SPAG16: variants seen among roughly 807,000 people sequenced by gnomAD.
SPAG16 encodes the protein sperm-associated antigen 16 protein.
SPAG16 carries 86 observed loss-of-function variants against 80.4 expected under a neutral mutation model. The observed-to-expected ratio is 1.07, with a 90% CI of 0.90 to 1.28. SPAG16 has a LOEUF of 1.28. Ranked by LOEUF, SPAG16 falls within the 50% of genes most tolerant of loss-of-function variation. The probability of loss-of-function intolerance (pLI) is 0.00; values close to 1 mark genes in which losing one functional copy is unlikely to be tolerated. For synonymous variants in SPAG16, 294 were observed against 265.9 expected (o/e 1.11, Z -1.03); for missense variants, 870 against 765.3 (o/e 1.14, Z -1.61).
At chr2:213,649,045 G>A (rs2062929623) in intron 10 of SPAG16, among the ~76,000 whole-genome samples, 1 of 152,140 alleles carries the variant, frequency 6.6e-6, no homozygotes, top group South Asian at 2.1e-4. Flanking sequence ...TAAATTCTCT[G>A]TCTTCACTTT....
chr2:214,075,492 A>C (rs183351548), intron 13 of SPAG16, among the ~76,000 whole-genome samples: 1 of 152,296 alleles, frequency 6.6e-6, no homozygotes, highest in African/African-American at 2.4e-5. Context: ...CTACAAGTCA[A>C]CTTAGGTATT....
At chr2:214,197,542 A>G (rs891170277) in intron 15 of SPAG16, among the ~76,000 whole-genome samples, 14 of 151,994 alleles carry the variant, frequency 9.2e-5, no homozygotes, top group African/African-American at 3.4e-4. Flanking sequence ...AAATCTCCAT[A>G]GTGAAAATTC....
chr2:213,467,240 A>G (rs1291274655), intron 9 of SPAG16, among the ~76,000 whole-genome samples: 2 of 152,310 alleles, frequency 1.3e-5, no homozygotes, highest in East Asian at 3.9e-4. Context: ...GCTTCTGGTT[A>G]GTGAAGCAGG....
intron 12 of SPAG16, among the ~76,000 whole-genome samples, chr2:213,989,558 C>G (rs1428730216): frequency 6.6e-6 from 1 of 152,072 alleles, no homozygotes; most frequent in East Asian, 1.9e-4. Flanking sequence ...CCAACCAGTC[C>G]TCATGGCTTC....
chr2:213,393,241 G>A (rs2067860300), intron 9 of SPAG16, among the ~76,000 whole-genome samples: 1 of 151,516 alleles, frequency 6.6e-6, no homozygotes, highest in African/African-American at 2.4e-5. Flanking sequence ...GAAAACTTTG[G>A]TCATTATAAA....
intron 10 of SPAG16, among the ~76,000 whole-genome samples, chr2:213,622,489 C>G (rs145539569): frequency 6.6e-6 from 1 of 152,194 alleles, no homozygotes. Context: ...CTCCCATGGC[C>G]TCTGCTGCAG....
At chr2:213,820,988 T>C (rs2072900211) in intron 10 of SPAG16, among the ~76,000 whole-genome samples, 2 of 152,098 alleles carry the variant, frequency 1.3e-5, no homozygotes, top group South Asian at 4.1e-4. Context: ...TTTCTGAAAT[T>C]CTCATAAATA....
intron 15 of SPAG16, among the ~76,000 whole-genome samples, chr2:214,388,949 C>T (rs1302735944): frequency 2.0e-5 from 3 of 152,070 alleles, no homozygotes; most frequent in Admixed American, 1.3e-4. Context: ...AGATAAGAAG[C>T]GAGAACGTAA....
At chr2:214,075,450 G>C (rs1188164516) in intron 13 of SPAG16, among the ~76,000 whole-genome samples, 3 of 151,974 alleles carry the variant, frequency 2.0e-5, no homozygotes, top group Admixed American at 6.6e-5. Context: ...TTGAGAAAGG[G>C]CATGAAGGAG....
intron 15 of SPAG16, among the ~76,000 whole-genome samples, chr2:214,327,690 A>G (rs1218111462): frequency 1.3e-5 from 1 of 78,566 alleles, no homozygotes; most frequent in East Asian, 3.3e-4. Context: ...GATTCTAGAT[A>G]TCAAATTTTT....
At chr2:213,675,086 G>A (rs2063993770) in intron 10 of SPAG16, among the ~76,000 whole-genome samples, 1 of 151,686 alleles carries the variant, frequency 6.6e-6, no homozygotes, top group South Asian at 2.1e-4. Flanking sequence ...TCTAAGTGGT[G>A]TGAGATGATA....
chr2:214,093,246 G>A (rs932206126), intron 13 of SPAG16, among the ~76,000 whole-genome samples: 31 of 152,070 alleles, frequency 2.0e-4, no homozygotes, highest in African/African-American at 7.0e-4. Context: ...AATAAATGAT[G>A]TGGTTTCTCT....
chr2:213,401,696 T>A (rs1224021979), intron 9 of SPAG16, among the ~76,000 whole-genome samples: 4 of 152,206 alleles, frequency 2.6e-5, no homozygotes, highest in Non-Finnish European at 5.9e-5. Flanking sequence ...CTGGTGATTT[T>A]GTCCACTTAT....
intron 13 of SPAG16, among the ~76,000 whole-genome samples, chr2:214,033,122 A>G (rs2048505785): frequency 6.6e-6 from 1 of 152,292 alleles, no homozygotes; most frequent in Middle Eastern, 3.4e-3. Flanking sequence ...AGGGAACCAA[A>G]TTAAGGTAAT....
At chr2:213,445,588 C>A (rs1256439174) in intron 9 of SPAG16, among the ~76,000 whole-genome samples, 1 of 152,054 alleles carries the variant, frequency 6.6e-6, no homozygotes, top group Non-Finnish European at 1.5e-5. Context: ...ATAGCTTGAA[C>A]CCGAGAGGTG....
chr2:213,889,288 A>C (rs766621797), intron 11 of SPAG16, among the ~76,000 whole-genome samples: 7 of 151,976 alleles, frequency 4.6e-5, no homozygotes, highest in African/African-American at 1.7e-4. Flanking sequence ...CATCTAAAAG[A>C]TACCTAAATT....
intron 12 of SPAG16, among the ~76,000 whole-genome samples, chr2:213,946,348 C>CT (rs2079467550): frequency 3.3e-4 from 50 of 152,150 alleles, no homozygotes; most frequent in African/African-American, 9.2e-4. Flanking sequence ...CTCCTGACCT[C>CT]GAGATCTACC....
At chr2:213,519,011 A>G (rs986223900) in intron 10 of SPAG16, among the ~76,000 whole-genome samples, 2 of 152,188 alleles carry the variant, frequency 1.3e-5, no homozygotes, top group Non-Finnish European at 2.9e-5. Context: ...ATAAATGAGA[A>G]CTAAACATTG....
At chr2:214,012,288 A>ATATATATTTTTTTTT (rs1553694500) in intron 12 of SPAG16, among the ~76,000 whole-genome samples, 2 of 46,806 alleles carry the variant, frequency 4.3e-5, no homozygotes, top group Non-Finnish European at 6.6e-5. Context: ...ATATATATAT[A>ATATATATTTTTTTTT]TTTTTTTTTT....
Sources: gnomAD v4.1 joint callset for allele counts (sites outside exome capture counted in the v4.1 genomes callset) on GRCh38, gnomAD v4.1.1 for gene constraint, MANE v1.5 for transcripts, NCBI Gene and HGNC (gene_info 2026-07-23, HGNC 2026-07-21) for gene names.